Variants in BEND2 observed in about 807,000 individuals in gnomAD.
BEND2 encodes BEN domain-containing protein 2.
A neutral mutation model predicts 43.8 loss-of-function variants in BEND2; 19 were observed. The observed-to-expected ratio is 0.43, with a 90% CI of 0.30 to 0.64. The LOEUF (loss-of-function observed/expected upper bound fraction) is 0.64, where lower values mean the gene tolerates loss of function less well. Among genes scored for constraint, BEND2 ranks in the 30% least tolerant of loss-of-function variants. BEND2 has a pLI of 0.11. For synonymous variants in BEND2, 226 were observed against 210.1 expected (o/e 1.08, Z -0.66); for missense variants, 544 against 574.0 (o/e 0.95, Z 0.53).
At chrX:18,166,362 T>C (rs1353225770) in intron 13 of BEND2, among the ~76,000 whole-genome samples, 1 of 111,805 alleles carries the variant, frequency 8.9e-6, no homozygotes, top group Non-Finnish European at 1.9e-5. Context: ...GAAAAGGTTC[T>C]AGTTGCGCAA....
At chrX:18,204,682 G>A (rs888210762) in intron 4 of BEND2, among the ~76,000 whole-genome samples, 1 of 111,547 alleles carries the variant, frequency 9.0e-6, no homozygotes, top group East Asian at 2.8e-4. Flanking sequence ...GTGACACAGA[G>A]CCAAGAGGCT....
chrX:18,170,096 T>C (rs1602023713), intron 13 of BEND2, among the ~76,000 whole-genome samples: 1 of 111,821 alleles, frequency 8.9e-6, no homozygotes, highest in South Asian at 3.7e-4. Flanking sequence ...GTTAGCTCAG[T>C]GATGTTCAAG....
chrX:18,201,646 C>A (rs1925167172), intron 6 of BEND2, among the ~76,000 whole-genome samples, 169 bp downstream of exon 6: 1 of 107,436 alleles, frequency 9.3e-6, no homozygotes, highest in African/African-American at 3.4e-5. Context: ...TGCCCGCCAC[C>A]ACACCCGGCT....
In BEND2 at chrX:18,203,919, T is replaced by C. The variant is rs771004615; in HGVS notation, c.493-4A>G. On this transcript the variant is annotated splice_region_variant and splice_polypyrimidine_tract_variant and intron_variant, in intron 4 of 13. Transcript: ENST00000380033. ...GTGGTGATATGCTAGACTGTACCTA[T>C]CCAGGGTAAGAGAACAGAATGAGTA... 59 of 1,175,542 alleles carry C rather than the reference T, an allele frequency of 5.0e-5. No homozygotes were observed. In the Middle Eastern group the frequency reaches 1.6e-3, roughly 31 times the overall value.
At chrX:18,186,349 T>C (rs1924567841) in intron 8 of BEND2, among the ~76,000 whole-genome samples, 1 of 107,550 alleles carries the variant, frequency 9.3e-6, no homozygotes, top group Non-Finnish European at 1.9e-5. Context: ...TCCCTGCTAC[T>C]CAGGAGGCTG....
intron 13 of BEND2, among the ~76,000 whole-genome samples, chrX:18,169,727 C>G (rs1222129542): frequency 1.8e-5 from 2 of 112,175 alleles, no homozygotes; most frequent in East Asian, 5.6e-4. Context: ...TGCCCTTCTA[C>G]AAAGCAATAG....
At chrX:18,168,542 G>C (rs1394097268) in intron 13 of BEND2, among the ~76,000 whole-genome samples, 4 of 111,375 alleles carry the variant, frequency 3.6e-5, no homozygotes, top group Non-Finnish European at 7.5e-5. Context: ...TTGTATTAGA[G>C]GGCCTGTAAA....
chrX:18,182,009 A>G (rs1270858857), intron 8 of BEND2, among the ~76,000 whole-genome samples: 1 of 112,171 alleles, frequency 8.9e-6, no homozygotes, highest in African/African-American at 3.2e-5. Flanking sequence ...GAAAAGAAAA[A>G]CAAGACCCAA....
In BEND2 at chrX:18,212,673, A is replaced by G. The variant is rs766129205; in HGVS notation, c.384T>C (p.His128=). 1.7e-6 allele frequency: 2 copies of G among 1,184,221 alleles called. No homozygotes were observed. Among genetic ancestry groups the G allele is most frequent in the African/African-American group, 1.8e-5 (1 of 56,662 alleles). Residue 128 remains histidine, a synonymous_variant, in exon 4 of 14, where the codon CAT becomes CAC. Transcript: ENST00000380033. Reference sequence around the variant, plus strand: ...TTATCTGTGAAACTATTTGGTCACCATGGGCTACTGTGAAGCAATGCATTA... The same window carrying G: ...TTATCTGTGAAACTATTTGGTCACCGTGGGCTACTGTGAAGCAATGCATTA... ...DRRTPPCPVA[H]GDQIVSQINH...
chrX:18,179,318 C>G (rs777094988), intron 9 of BEND2, among the ~76,000 whole-genome samples: 1 of 107,019 alleles, frequency 9.3e-6, no homozygotes, highest in Non-Finnish European at 1.9e-5. Flanking sequence ...CATGCCACCA[C>G]GCCTGGCTAA....
At position 18,163,800 on chromosome X, in the gene BEND2, A is replaced by G. The variant is rs1436321502; in HGVS notation, c.*1209T>C. 8.9e-6 allele frequency: 1 copy of G among 111,846 alleles called. No homozygotes were observed. The highest frequency in any genetic ancestry group is 1.9e-5 in the Non-Finnish European group (1 of 53,191). 9.2% of individuals were successfully genotyped at this position (111,846 alleles called of 1,213,427 possible). On this transcript the variant is annotated 3_prime_UTR_variant, in exon 14 of 14. Transcript: ENST00000380033. ...TTTTTAATTGACAAATAATAACTGCATGTATTTATGGGGTATGATGTGGTA... is the reference window on the plus strand; with the variant it reads ...TTTTTAATTGACAAATAATAACTGCGTGTATTTATGGGGTATGATGTGGTA...
At chrX:18,211,162 T>C (rs181843444) in intron 4 of BEND2, among the ~76,000 whole-genome samples, 2 of 111,957 alleles carry the variant, frequency 1.8e-5, no homozygotes, top group African/African-American at 6.5e-5. Context: ...ACACTACTTA[T>C]GTGGCACTGA....
intron 4 of BEND2, among the ~76,000 whole-genome samples, chrX:18,205,727 T>C (rs1925313941): frequency 9.7e-6 from 1 of 103,572 alleles, no homozygotes; most frequent in Non-Finnish European, 1.9e-5. Context: ...CCTGGAACAG[T>C]GGTTTGCAAA....
Position 18,193,225 on chromosome X carries a change from C to T in BEND2, c.1180+2071G>A, listed in dbSNP as rs191599884. 2.5e-3 allele frequency among the ~76,000 whole-genome samples: 272 copies of T among 110,385 alleles called. 2 individuals carry two copies. In the Middle Eastern group the frequency reaches 0.051, roughly 21 times the overall value. Reference sequence around the variant, plus strand: ...CCCAGCTACTTAGGAGGCTGAGGCACGAGAATCGCTTGAACCCAAGAGGTG... The same window carrying T: ...CCCAGCTACTTAGGAGGCTGAGGCATGAGAATCGCTTGAACCCAAGAGGTG... On this transcript the variant is annotated intron_variant, in intron 7 of 13. Transcript: ENST00000380033.
At chrX:18,178,250 T>G (rs1486494894) in intron 9 of BEND2, among the ~76,000 whole-genome samples, 1 of 111,881 alleles carries the variant, frequency 8.9e-6, no homozygotes, top group Non-Finnish European at 1.9e-5. Flanking sequence ...TATCAGTAGT[T>G]CCTGTATATC....
intron 6 of BEND2, among the ~76,000 whole-genome samples, chrX:18,201,205 C>T (rs1280965718): frequency 3.7e-5 from 4 of 108,887 alleles, no homozygotes; most frequent in Non-Finnish European, 5.7e-5. Context: ...ACCAGCCTGA[C>T]CAACATGGAG....
At chrX:18,206,464 G>A (rs1184508183) in intron 4 of BEND2, among the ~76,000 whole-genome samples, 1 of 111,212 alleles carries the variant, frequency 9.0e-6, no homozygotes, top group African/African-American at 3.3e-5. Flanking sequence ...GAGAGAGTGA[G>A]GATGACAGCA....
At chrX:18,189,857 G>C (rs2147408531) in intron 8 of BEND2, among the ~76,000 whole-genome samples, 1 of 110,275 alleles carries the variant, frequency 9.1e-6, no homozygotes, top group South Asian at 4.0e-4. Context: ...GACCATCCTG[G>C]CTAACATGGT....
intron 8 of BEND2, among the ~76,000 whole-genome samples, chrX:18,183,677 G>T (rs1469275651): frequency 8.9e-6 from 1 of 111,967 alleles, no homozygotes; most frequent in Non-Finnish European, 1.9e-5. Context: ...GTGAGTCCCA[G>T]GCCTGGCAGC....
Sources: allele counts gnomAD v4.1 joint callset (sites outside exome capture counted in the v4.1 genomes callset), GRCh38; gene constraint gnomAD v4.1.1; transcripts MANE v1.5; gene names NCBI Gene and HGNC (gene_info 2026-07-23, HGNC 2026-07-21).